The following SEMA3C variants were observed in gnomAD, a reference collection of about 807,000 sequenced individuals.
SEMA3C encodes semaphorin 3C.
Under a neutral mutation model 89.4 loss-of-function variants are expected in SEMA3C, and 47 were observed. That is an observed-to-expected ratio of 0.53 (90% CI 0.42 to 0.67). The LOEUF is 0.67. Ranked by LOEUF, SEMA3C falls within the 30% of genes least tolerant of loss-of-function variation. SEMA3C has a pLI of 0.00. For synonymous variants in SEMA3C, 310 were observed against 320.2 expected (o/e 0.97, Z 0.34); for missense variants, 839 against 929.1 (o/e 0.90, Z 1.26).
chr7:80,809,011 C>T (rs577750729), intron 6 of SEMA3C, among the ~76,000 whole-genome samples: 5 of 152,164 alleles, frequency 3.3e-5, no homozygotes, highest in East Asian at 1.9e-4. Flanking sequence ...TTCCAGCCTT[C>T]GGTGATTCAC....
In SEMA3C at chr7:80,745,298, T is replaced by C. The variant is rs748975921; in HGVS notation, c.1852A>G (p.Asn618Asp). The change falls in exon 18 of 18, where the codon AAT (asparagine) becomes GAT (aspartate). Residue 618 changes from asparagine (N) to aspartate (D), a missense_variant. Asn to Asp is a conservative substitution (Grantham distance 23). Coordinates refer to ENST00000265361, the MANE Select transcript of SEMA3C (RefSeq NM_006379.5). ...DKDRRKEVKLNERIIATSQGL... is the reference protein window; with the variant it reads ...DKDRRKEVKLDERIIATSQGL... ...TGTGAAGTGGCTATTATTCGTTCATTCAGCTTAACCTAAAAGAGAGACAAA... is the reference window on the plus strand; with the variant it reads ...TGTGAAGTGGCTATTATTCGTTCATCCAGCTTAACCTAAAAGAGAGACAAA... 6 of 1,613,206 alleles carry C rather than the reference T, an allele frequency of 3.7e-6. No individual in the cohort carries two copies. The highest frequency in any genetic ancestry group is 1.3e-5 in the African/African-American group (1 of 75,014).
chr7:80,862,356 A>G (rs1382181009), intron 2 of SEMA3C, among the ~76,000 whole-genome samples: 1 of 152,164 alleles, frequency 6.6e-6, no homozygotes, highest in Admixed American at 6.5e-5. Context: ...CAAAAAAACA[A>G]TAAAATACTT....
chr7:80,895,207 T>C (rs571794872), intron 2 of SEMA3C, among the ~76,000 whole-genome samples: 18 of 152,304 alleles, frequency 1.2e-4, no homozygotes, highest in African/African-American at 4.3e-4. Context: ...TGGCACTTAA[T>C]CTCCATGTGG....
At chr7:80,911,212 C>G (rs1792139487) in intron 2 of SEMA3C, among the ~76,000 whole-genome samples, 1 of 152,134 alleles carries the variant, frequency 6.6e-6, no homozygotes, top group Non-Finnish European at 1.5e-5. Context: ...GAATATCTTA[C>G]TGAGAAAAAT....
chr7:80,782,814 A>G (rs1187276059), intron 12 of SEMA3C, among the ~76,000 whole-genome samples: 1 of 152,228 alleles, frequency 6.6e-6, no homozygotes, highest in Non-Finnish European at 1.5e-5. Context: ...CATTGTTACA[A>G]TTCTTCATAT....
chr7:80,801,384 CTTTTA>C (rs1789204231), intron 9 of SEMA3C, among the ~76,000 whole-genome samples: 1 of 151,968 alleles, frequency 6.6e-6, no homozygotes. Context: ...GCTAGTGATA[CTTTTA>C]TTTAATGATA....
intron 2 of SEMA3C, among the ~76,000 whole-genome samples, chr7:80,862,671 T>C (rs116860303): frequency 6.6e-6 from 1 of 152,114 alleles, no homozygotes; most frequent in Non-Finnish European, 1.5e-5. Flanking sequence ...TCTTGAGGAA[T>C]CACTCTACCT....
intron 2 of SEMA3C, among the ~76,000 whole-genome samples, chr7:80,833,528 G>A (rs1431258221): frequency 1.3e-5 from 2 of 151,920 alleles, no homozygotes; most frequent in Non-Finnish European, 2.9e-5. Context: ...AATACTGCAG[G>A]GAGCAATAGC....
intron 2 of SEMA3C, among the ~76,000 whole-genome samples, chr7:80,895,108 G>A (rs1044246309): frequency 7.2e-5 from 11 of 152,118 alleles, no homozygotes; most frequent in South Asian, 6.2e-4. Context: ...GCATGCACGC[G>A]CATGTACACA....
At chr7:80,871,968 C>A (rs1385847133) in intron 2 of SEMA3C, among the ~76,000 whole-genome samples, 1 of 151,852 alleles carries the variant, frequency 6.6e-6, no homozygotes, top group Admixed American at 6.6e-5. Flanking sequence ...TACAAAATAA[C>A]CTAATACACC....
At chr7:80,889,442 TAGA>T (rs1306523165) in intron 2 of SEMA3C, among the ~76,000 whole-genome samples, 1 of 152,180 alleles carries the variant, frequency 6.6e-6, no homozygotes, top group Non-Finnish European at 1.5e-5. Context: ...ACTATCAATA[TAGA>T]AGATGTCATT....
intron 2 of SEMA3C, among the ~76,000 whole-genome samples, chr7:80,881,086 G>A (rs1791326094): frequency 6.6e-6 from 1 of 151,460 alleles, no homozygotes; most frequent in Admixed American, 6.6e-5. Flanking sequence ...TTGCAAGGAT[G>A]TACGATGTTG....
chr7:80,855,272 T>C (rs1790610981), intron 2 of SEMA3C, among the ~76,000 whole-genome samples: 1 of 152,156 alleles, frequency 6.6e-6, no homozygotes, highest in African/African-American at 2.4e-5. Context: ...TCATTCCACA[T>C]ATGAAAATTA....
chr7:80,919,188 C>A, upstream of SEMA3C: 1 of 985,026 alleles, frequency 1.0e-6, no homozygotes, highest in South Asian at 4.7e-5. Flanking sequence ...CGCATCTCCG[C>A]CAGCCGCGAG....
intron 2 of SEMA3C, among the ~76,000 whole-genome samples, chr7:80,902,080 G>A (rs1184147405): frequency 1.3e-5 from 2 of 152,286 alleles, no homozygotes; most frequent in South Asian, 2.1e-4. Flanking sequence ...AGCTTCCTGA[G>A]TAGTTGGGAC....
chr7:80,889,440 T>C (rs1791559379), intron 2 of SEMA3C, among the ~76,000 whole-genome samples: 1 of 152,134 alleles, frequency 6.6e-6, no homozygotes, highest in African/African-American at 2.4e-5. Context: ...TTACTATCAA[T>C]ATAGAAGATG....
chr7:80,751,204 T>C, intron 16 of SEMA3C, 65 bp downstream of exon 16: 1 of 1,275,946 alleles, frequency 7.8e-7, no homozygotes, highest in Non-Finnish European at 1.1e-6. Flanking sequence ...TGTTTCCCCT[T>C]ACTGAAATGT....
intron 14 of SEMA3C, 83 bp from the exon 15 acceptor site, chr7:80,758,571 C>T: frequency 4.5e-6 from 6 of 1,320,270 alleles, no homozygotes; most frequent in Non-Finnish European, 6.5e-6. Context: ...AATATATGCC[C>T]ACAAACCCTT....
chr7:80,773,576 C>T (rs1788481430), intron 12 of SEMA3C, among the ~76,000 whole-genome samples: 1 of 152,160 alleles, frequency 6.6e-6, no homozygotes, highest in African/African-American at 2.4e-5. Context: ...AAAGGATACT[C>T]ACAAGCTAAT....
Sources: gnomAD v4.1 joint callset for allele counts (sites outside exome capture counted in the v4.1 genomes callset) on GRCh38, gnomAD v4.1.1 for gene constraint, MANE v1.5 for transcripts, NCBI Gene and HGNC (gene_info 2026-07-23, HGNC 2026-07-21) for gene names.